GRIA2: variants seen among roughly 807,000 people sequenced by gnomAD.
GRIA2 encodes the protein glutamate receptor 2.
In GRIA2, 14 loss-of-function variants were observed where a neutral mutation model predicts 97.3. That is an observed-to-expected ratio of 0.14 (90% CI 0.10 to 0.23). The LOEUF is 0.23. Among genes scored for constraint, GRIA2 ranks in the 10% least tolerant of loss-of-function variants. GRIA2 has a pLI of 1.00. For synonymous variants in GRIA2, 412 were observed against 387.8 expected (o/e 1.06, Z -0.73); for missense variants, 558 against 1,069.8 (o/e 0.52, Z 6.67).
chr4:157,244,330 T>C (rs945407431), intron 2 of GRIA2, among the ~76,000 whole-genome samples: 4 of 151,948 alleles, frequency 2.6e-5, no homozygotes, highest in African/African-American at 7.2e-5. Context: ...TTGATTTAGG[T>C]GAACTGAAGA....
intron 12 of GRIA2, among the ~76,000 whole-genome samples, chr4:157,354,963 T>G (rs1380224771): frequency 6.6e-6 from 1 of 152,216 alleles, no homozygotes; most frequent in Non-Finnish European, 1.5e-5. Context: ...AGTTTAATTC[T>G]AACTGTGCAT....
chr4:157,294,193 CTT>C (rs59119203), intron 2 of GRIA2, among the ~76,000 whole-genome samples: 1 of 144,132 alleles, frequency 6.9e-6, no homozygotes, highest in African/African-American at 2.5e-5. Flanking sequence ...AAAGTTCTGT[CTT>C]TTTTTTTTTT....
chr4:157,293,118 T>C, intron 2 of GRIA2, among the ~76,000 whole-genome samples: 1 of 152,284 alleles, frequency 6.6e-6, no homozygotes, highest in Middle Eastern at 3.4e-3. Context: ...TGTTAATTGC[T>C]ACACTATATT....
chr4:157,255,428 G>C (rs4591655), intron 2 of GRIA2, among the ~76,000 whole-genome samples: 53,964 of 151,794 alleles, frequency 0.36, 10,084 homozygotes, highest in African/African-American at 0.47. Flanking sequence ...GCCCAGTAGT[G>C]GGATTGCTGG....
intron 13 of GRIA2, 145 bp from the exon 14 acceptor site, chr4:157,360,865 A>G (rs973815018): frequency 4.4e-6 from 3 of 688,414 alleles, no homozygotes; most frequent in Non-Finnish European, 7.9e-6. Flanking sequence ...AGCTCATAGT[A>G]ACATATTATT....
intron 2 of GRIA2, among the ~76,000 whole-genome samples, chr4:157,286,965 T>C (rs1176649631): frequency 6.6e-6 from 1 of 151,644 alleles, no homozygotes; most frequent in Non-Finnish European, 1.5e-5. Flanking sequence ...TTGTGTTTTC[T>C]AAAATTTAAA....
rs144577113 is a variant in GRIA2 at position 157,299,224 on chromosome 4, G to A, written c.230-4328G>A. Among the ~76,000 whole-genome samples the A allele has an allele frequency of 5.2e-3, 784 of 152,168 alleles. 9 individuals are homozygous for A. The highest frequency in any genetic ancestry group is 8.3e-3 in the Non-Finnish European group (567 of 67,966). ...AGAGATGATTATTTTTAGTTACCAG[G>A]AGATCCTTACTAACAGATGATAGGG... On this transcript the variant is annotated intron_variant, in intron 2 of 15. Transcript: ENST00000264426.
At chr4:157,292,424 G>C (rs1415901665) in intron 2 of GRIA2, among the ~76,000 whole-genome samples, 1 of 151,950 alleles carries the variant, frequency 6.6e-6, no homozygotes, top group African/African-American at 2.4e-5. Flanking sequence ...AAAAGGGATA[G>C]TTAAAAATCA....
intron 2 of GRIA2, among the ~76,000 whole-genome samples, chr4:157,234,728 C>A (rs1730169126): frequency 6.6e-6 from 1 of 152,108 alleles, no homozygotes. Context: ...TCACTATCAT[C>A]TTTTTCACAA....
At chr4:157,223,613 C>T (rs935573130) in intron 2 of GRIA2, among the ~76,000 whole-genome samples, 1 of 152,174 alleles carries the variant, frequency 6.6e-6, no homozygotes, top group Non-Finnish European at 1.5e-5. Flanking sequence ...TGTCATGCAA[C>T]TGTTCTGAGT....
chr4:157,326,101 T>A (rs1219081166), intron 6 of GRIA2, among the ~76,000 whole-genome samples: 2 of 152,106 alleles, frequency 1.3e-5, no homozygotes, highest in Non-Finnish European at 2.9e-5. Flanking sequence ...CTCCTTGCTG[T>A]TCCTCAACCA....
At chr4:157,255,063 C>T (rs990777128) in intron 2 of GRIA2, among the ~76,000 whole-genome samples, 5 of 151,972 alleles carry the variant, frequency 3.3e-5, no homozygotes, top group Non-Finnish European at 5.9e-5. Context: ...GGTAATTTCT[C>T]ATCCCTACCA....
chr4:157,254,831 A>G (rs1333002303), intron 2 of GRIA2, among the ~76,000 whole-genome samples: 2 of 152,080 alleles, frequency 1.3e-5, no homozygotes, highest in Non-Finnish European at 2.9e-5. Flanking sequence ...GAAAATTTGA[A>G]TTTAACGTAC....
chr4:157,303,342 C>A (rs1376234946), intron 2 of GRIA2, among the ~76,000 whole-genome samples: 1 of 152,112 alleles, frequency 6.6e-6, no homozygotes, highest in Non-Finnish European at 1.5e-5. Context: ...GTAACCAGAA[C>A]TACTTTTTAT....
rs141644512 is a variant in GRIA2 at position 157,253,728 on chromosome 4, G to C, written c.229+31921G>C. 2.2e-3 allele frequency among the ~76,000 whole-genome samples: 334 copies of C among 152,150 alleles called. 1 individual carries two copies. The highest frequency in any genetic ancestry group is 4.1e-3 in the Non-Finnish European group (277 of 67,986). ...AAATGATTAATCAGTTCCTATTGCT[G>C]CTCCTGTTTCATATCCCACAAAATT... On this transcript the variant is annotated intron_variant, in intron 2 of 15. Coordinates refer to ENST00000264426, the MANE Select transcript of GRIA2 (RefSeq NM_001083619.3).
At chr4:157,350,553 C>G (rs1428990201) in intron 12 of GRIA2, among the ~76,000 whole-genome samples, 1 of 151,076 alleles carries the variant, frequency 6.6e-6, no homozygotes, top group Admixed American at 6.6e-5. Flanking sequence ...GTTCTTCAGG[C>G]GGCCCAGTGT....
chr4:157,273,214 T>C (rs545753313), intron 2 of GRIA2, among the ~76,000 whole-genome samples: 113 of 152,234 alleles, frequency 7.4e-4, no homozygotes, highest in Middle Eastern at 6.8e-3. Context: ...CCATTTTATA[T>C]AATGCACTAG....
Position 157,363,737 on chromosome 4 carries a change from T to C in GRIA2, c.*306T>C. 1 of 416,986 alleles carries C rather than the reference T, an allele frequency of 2.4e-6. No homozygotes were observed. Among genetic ancestry groups the C allele is most frequent in the Admixed American group, 4.4e-5 (1 of 22,638 alleles). 25.8% of individuals were successfully genotyped at this position (416,986 alleles called of 1,614,324 possible). ...AATATGTGGAGTTCATCTTGAATTG[T>C]AAGGAATGATTAATTAAAACACAAC... On this transcript the variant is annotated 3_prime_UTR_variant, in exon 16 of 16. Coordinates refer to ENST00000264426, the MANE Select transcript of GRIA2 (RefSeq NM_001083619.3).
At chr4:157,251,669 G>T (rs1682772500) in intron 2 of GRIA2, among the ~76,000 whole-genome samples, 1 of 152,094 alleles carries the variant, frequency 6.6e-6, no homozygotes, top group African/African-American at 2.4e-5. Flanking sequence ...TAATAAAGAA[G>T]AACAAGCAGA....
Sources: gnomAD v4.1 joint callset for allele counts (sites outside exome capture counted in the v4.1 genomes callset) on GRCh38, gnomAD v4.1.1 for gene constraint, MANE v1.5 for transcripts, NCBI Gene and HGNC (gene_info 2026-07-23, HGNC 2026-07-21) for gene names.